The following RIMBP2 variants were observed in gnomAD, a reference collection of about 807,000 sequenced individuals.
The protein encoded by RIMBP2 is RIMS binding protein 2.
RIMBP2 carries 48 observed loss-of-function variants against 118.6 expected under a neutral mutation model. The ratio of observed to expected loss-of-function variants is 0.40; its 90% CI spans 0.32 to 0.51. The LOEUF is 0.51. RIMBP2 is among the 20% of genes least tolerant of loss of function. The pLI, the probability that RIMBP2 is intolerant of heterozygous loss-of-function variation, is 0.41. For missense variants in RIMBP2, 1,551 were observed against 1,768.3 expected (o/e 0.88, Z 2.20); for synonymous variants, 762 against 742.9 (o/e 1.03, Z -0.42).
At chr12:130,556,226 C>G (rs1254050581) in intron 2 of RIMBP2, among the ~76,000 whole-genome samples, 1 of 152,216 alleles carries the variant, frequency 6.6e-6, no homozygotes, top group Non-Finnish European at 1.5e-5. Flanking sequence ...CTGCCCGGAT[C>G]TTCATTAGCC....
At chr12:130,438,334 A>ATCCCCCCCC in intron 12 of RIMBP2, 31 bp downstream of exon 12, 69 of 1,344,484 alleles carry the variant, frequency 5.1e-5, no homozygotes, top group Non-Finnish European at 6.6e-5. Flanking sequence ...GGGCCTAACA[A>ATCCCCCCCC]ACCCTCCCCA....
At chr12:130,461,689 T>C (rs2080007958) in intron 6 of RIMBP2, among the ~76,000 whole-genome samples, 1 of 151,990 alleles carries the variant, frequency 6.6e-6, no homozygotes, top group African/African-American at 2.4e-5. Context: ...GCAGGCTAAG[T>C]TCACACAAGG....
At chr12:130,399,080 G>A in intron 22 of RIMBP2, 3 of 1,227,784 alleles carry the variant, frequency 2.4e-6, no homozygotes, top group African/African-American at 1.6e-5. Context: ...AGCTTAAGTT[G>A]GTATCTTTAT....
chr12:130,555,766 A>G (rs1029602610), intron 2 of RIMBP2, among the ~76,000 whole-genome samples: 1 of 152,256 alleles, frequency 6.6e-6, no homozygotes, highest in African/African-American at 2.4e-5. Flanking sequence ...CGAAACTGCT[A>G]GTGCAAAAGC....
At chr12:130,543,731 G>T (rs984116852) in intron 2 of RIMBP2, among the ~76,000 whole-genome samples, 1 of 150,300 alleles carries the variant, frequency 6.7e-6, no homozygotes, top group African/African-American at 2.4e-5. Flanking sequence ...GCCACATCAT[G>T]AAAATTAAGT....
intron 7 of RIMBP2, among the ~76,000 whole-genome samples, chr12:130,455,407 G>C (rs1026214037): frequency 3.3e-5 from 5 of 152,240 alleles, no homozygotes; most frequent in African/African-American, 1.2e-4. Context: ...TGCCCTGTCT[G>C]TCTCTCAGCG....
At chr12:130,554,636 C>T (rs1376903269) in intron 2 of RIMBP2, among the ~76,000 whole-genome samples, 3 of 152,194 alleles carry the variant, frequency 2.0e-5, no homozygotes, top group South Asian at 2.1e-4. Context: ...AATTCACTTA[C>T]GTGCTGCTCT....
At chr12:130,521,166 C>G (rs1273811554) in intron 2 of RIMBP2, among the ~76,000 whole-genome samples, 1 of 152,184 alleles carries the variant, frequency 6.6e-6, no homozygotes, top group East Asian at 1.9e-4. Flanking sequence ...CATAACTGAC[C>G]CTGTGTGCTA....
chr12:130,601,020 C>A (rs1267112095), intron 2 of RIMBP2, among the ~76,000 whole-genome samples: 1 of 152,138 alleles, frequency 6.6e-6, no homozygotes, highest in Non-Finnish European at 1.5e-5. Flanking sequence ...CGAGTACACC[C>A]TTCATTTCCT....
At chr12:130,566,002 C>G (rs984562370) in intron 2 of RIMBP2, among the ~76,000 whole-genome samples, 33 of 152,178 alleles carry the variant, frequency 2.2e-4, no homozygotes, top group Non-Finnish European at 1.3e-4. Flanking sequence ...TGTCAAGTAT[C>G]AGTTCCTAAC....
chr12:130,558,576 C>T (rs368268674), intron 2 of RIMBP2, among the ~76,000 whole-genome samples: 7 of 152,118 alleles, frequency 4.6e-5, no homozygotes, highest in Non-Finnish European at 8.8e-5. Context: ...GAATGAGGCA[C>T]GCTGTTAGGT....
In RIMBP2 at chr12:130,434,918, C is replaced by T. The variant is rs2077399261; in HGVS notation, c.2107-38G>A. The T allele has an allele frequency of 1.3e-6, 2 of 1,572,570 alleles. No homozygotes were observed. Among genetic ancestry groups the T allele is most frequent in the Non-Finnish European group, 1.7e-6 (2 of 1,159,624 alleles). On this transcript the variant is annotated intron_variant, in intron 13 of 22. Coordinates refer to ENST00000690449, the MANE Select transcript of RIMBP2 (RefSeq NM_001393629.1). The surrounding 1 kb of genome is among the most constrained non-coding windows in gnomAD (Gnocchi z 5.7). ...AAGGAGGCACACGGGTGAGGCAGGGCCACCTTCAGCTACGCTCAGCCCCAC... is the reference window on the plus strand; with the variant it reads ...AAGGAGGCACACGGGTGAGGCAGGGTCACCTTCAGCTACGCTCAGCCCCAC...
At chr12:130,516,236 A>T (rs117075935) in intron 3 of RIMBP2, among the ~76,000 whole-genome samples, 1,613 of 152,288 alleles carry the variant, frequency 0.011, 18 homozygotes, top group Middle Eastern at 0.02. Flanking sequence ...AATCAAGACA[A>T]CTCTAATTTT....
At chr12:130,453,186 A>G (rs557681992) in intron 7 of RIMBP2, among the ~76,000 whole-genome samples, 1 of 152,282 alleles carries the variant, frequency 6.6e-6, no homozygotes, top group Admixed American at 6.5e-5. Context: ...ACTCCTTCCT[A>G]GGAGGTTGCC....
chr12:130,457,343 A>G (rs2137530775), intron 6 of RIMBP2, among the ~76,000 whole-genome samples: 1 of 152,284 alleles, frequency 6.6e-6, no homozygotes, highest in East Asian at 1.9e-4. Context: ...GGGGAAGGCA[A>G]GCGTCTCCCC....
At chr12:130,605,317 G>A (rs2060119252) in intron 2 of RIMBP2, among the ~76,000 whole-genome samples, 1 of 152,164 alleles carries the variant, frequency 6.6e-6, no homozygotes, top group Non-Finnish European at 1.5e-5. Flanking sequence ...TTTAAAGGTG[G>A]TCTGGTCTCT....
intron 2 of RIMBP2, among the ~76,000 whole-genome samples, chr12:130,592,596 G>A (rs1343370173): frequency 1.3e-5 from 2 of 151,950 alleles, no homozygotes; most frequent in Non-Finnish European, 2.9e-5. Context: ...GGCTGAGGCA[G>A]GAGAACCACT....
intron 4 of RIMBP2, among the ~76,000 whole-genome samples, chr12:130,485,543 C>G (rs1432404201): frequency 6.6e-6 from 1 of 152,260 alleles, no homozygotes; most frequent in Admixed American, 6.5e-5. Context: ...GCCGATTGTG[C>G]AGCTGCTTAA....
intron 7 of RIMBP2, among the ~76,000 whole-genome samples, chr12:130,453,268 T>A (rs2079147186): frequency 6.6e-6 from 1 of 152,134 alleles, no homozygotes; most frequent in South Asian, 2.1e-4. Flanking sequence ...GTGTCAGAGG[T>A]GCCTCCCCAT....
Sources: allele counts gnomAD v4.1 joint callset (sites outside exome capture counted in the v4.1 genomes callset), GRCh38; gene constraint gnomAD v4.1.1; non-coding constraint Gnocchi (gnomAD v3.1); transcripts MANE v1.5; gene names NCBI Gene and HGNC (gene_info 2026-07-23, HGNC 2026-07-21).